ADGRL4: variants seen among roughly 807,000 people sequenced by gnomAD.
The protein encoded by ADGRL4 is adhesion G protein-coupled receptor L4, also known as EGF, latrophilin and seven transmembrane domain containing 1.
Under a neutral mutation model 74.8 loss-of-function variants are expected in ADGRL4, and 90 were observed. That is an observed-to-expected ratio of 1.20 (90% CI 1.02 to 1.43). The LOEUF is 1.43. Among genes scored for constraint, ADGRL4 ranks in the 40% most tolerant of loss-of-function variants. The probability of loss-of-function intolerance (pLI) is 0.00; values close to 1 mark genes in which losing one functional copy is unlikely to be tolerated. For synonymous variants in ADGRL4, 311 were observed against 279.2 expected (o/e 1.11, Z -1.14); for missense variants, 881 against 814.3 (o/e 1.08, Z -1.00).
intron 7 of ADGRL4, 85 bp from the exon 8 acceptor site, chr1:78,927,176 GACAA>G (rs1649135403): frequency 1.4e-5 from 12 of 877,552 alleles, no homozygotes; most frequent in Admixed American, 2.5e-5. Flanking sequence ...AAATTGAATA[GACAA>G]ACATTTTACT....
chr1:78,925,552 A>G (rs1223235323), intron 8 of ADGRL4, among the ~76,000 whole-genome samples: 10 of 151,960 alleles, frequency 6.6e-5, no homozygotes, highest in Non-Finnish European at 2.9e-5. Flanking sequence ...GATAGTTTTT[A>G]TTTTCTCAGG....
At chr1:78,956,800 G>C (rs890588006) in intron 2 of ADGRL4, among the ~76,000 whole-genome samples, 1 of 152,142 alleles carries the variant, frequency 6.6e-6, no homozygotes, top group African/African-American at 2.4e-5. Flanking sequence ...CAAAATGGAA[G>C]CATTGTGTCC....
At position 78,966,292 on chromosome 1, in the gene ADGRL4, G is replaced by A. The variant is rs140291176; in HGVS notation, c.173-19866C>T. Among the ~76,000 whole-genome samples the A allele has an allele frequency of 3.4e-4, 51 of 152,206 alleles. 1 individual carries two copies. The highest frequency in any genetic ancestry group is 5.6e-4 in the Non-Finnish European group (38 of 68,010). On this transcript the variant is annotated intron_variant, in intron 2 of 14. Transcript: ENST00000370742. ...CACACTAGCAGGACTCTGAGTTTGCGGAAAGTCCCTGTTTTCCTTTTTCCT... is the reference window on the plus strand; with the variant it reads ...CACACTAGCAGGACTCTGAGTTTGCAGAAAGTCCCTGTTTTCCTTTTTCCT...
At chr1:78,906,298 T>C (rs184672158) in intron 12 of ADGRL4, among the ~76,000 whole-genome samples, 17 of 152,176 alleles carry the variant, frequency 1.1e-4, no homozygotes, top group Admixed American at 2.0e-4. Flanking sequence ...GGCATTAAAA[T>C]AGTATTAGCA....
chr1:78,891,892 C>T (rs898810315), intron 13 of ADGRL4, among the ~76,000 whole-genome samples, 200 bp from the exon 14 acceptor site: 1 of 152,038 alleles, frequency 6.6e-6, no homozygotes, highest in African/African-American at 2.4e-5. Flanking sequence ...GCTACTGAAC[C>T]GTGGCAGGGG....
At chr1:78,920,110 G>T in intron 10 of ADGRL4, 73 bp downstream of exon 10, 2 of 1,115,646 alleles carry the variant, frequency 1.8e-6, no homozygotes, top group Non-Finnish European at 2.5e-6. Context: ...TACAAATAAT[G>T]TTTCTAGGAC....
chr1:78,956,950 C>T (rs75601905), intron 2 of ADGRL4, among the ~76,000 whole-genome samples: 1,785 of 152,198 alleles, frequency 0.012, 32 homozygotes, highest in African/African-American at 0.04. Context: ...CAAAAGCACG[C>T]GCTCACTTCA....
intron 12 of ADGRL4, among the ~76,000 whole-genome samples, chr1:78,898,907 T>C (rs1648457628): frequency 6.6e-6 from 1 of 152,134 alleles, no homozygotes; most frequent in Non-Finnish European, 1.5e-5. Context: ...TTTAAGTAGA[T>C]GAGTTGGTGA....
At chr1:78,895,833 G>A (rs749630729) in intron 12 of ADGRL4, among the ~76,000 whole-genome samples, 14 of 152,026 alleles carry the variant, frequency 9.2e-5, no homozygotes, top group Non-Finnish European at 1.6e-4. Context: ...AATTATTTAT[G>A]TACTGTAGGC....
intron 9 of ADGRL4, 112 bp from the exon 10 acceptor site, chr1:78,920,498 T>C: frequency 3.0e-6 from 2 of 677,204 alleles, no homozygotes; most frequent in Non-Finnish European, 4.7e-6. Context: ...AAAATGTTCA[T>C]AAAATGTAAA....
intron 2 of ADGRL4, among the ~76,000 whole-genome samples, chr1:79,003,628 G>A (rs985766567): frequency 6.6e-6 from 1 of 151,946 alleles, no homozygotes; most frequent in African/African-American, 2.4e-5. Context: ...TTAGAAACGT[G>A]ATTATAAGCT....
intron 12 of ADGRL4, 91 bp from the exon 13 acceptor site, chr1:78,893,280 T>C (rs1648327997): frequency 2.5e-6 from 2 of 801,956 alleles, no homozygotes; most frequent in Admixed American, 2.8e-5. Flanking sequence ...TTCAATAAGA[T>C]AGAAACTAAA....
At chr1:78,898,889 A>G (rs1648456597) in intron 12 of ADGRL4, among the ~76,000 whole-genome samples, 2 of 152,180 alleles carry the variant, frequency 1.3e-5, no homozygotes, top group Non-Finnish European at 2.9e-5. Flanking sequence ...TTTAAAAAAA[A>G]CAAGAAATTT....
chr1:78,947,262 T>C (rs1399898039), intron 2 of ADGRL4, among the ~76,000 whole-genome samples: 2 of 152,164 alleles, frequency 1.3e-5, no homozygotes, highest in East Asian at 1.9e-4. Flanking sequence ...CCTTTGGATA[T>C]GTTATTAAAG....
intron 1 of ADGRL4, among the ~76,000 whole-genome samples, chr1:79,005,913 A>G (rs1650953487): frequency 6.6e-6 from 1 of 152,070 alleles, no homozygotes. Context: ...GAAATGGAAC[A>G]GCACACAAAT....
In ADGRL4 at chr1:78,969,709, T is replaced by G. The variant is rs1357500432; in HGVS notation, c.173-23283A>C. Among the ~76,000 whole-genome samples, 174 of 41,240 alleles carry G rather than the reference T, an allele frequency of 4.2e-3. 1 individual carries two copies. Among genetic ancestry groups the G allele is most frequent in the African/African-American group, 0.017 (169 of 10,144 alleles). 27.1% of individuals were successfully genotyped at this position (41,240 alleles called of 152,430 possible). A position where few individuals can be genotyped will look rare whatever the true frequency, so the allele number is the denominator to read the frequency against. ...AGTCCTTTGATGATGATTTGTGGGT[T>G]TTTTTTTTTTTTTAACAAAAATGAG... is the stretch of plus-strand genomic sequence containing the variant. On this transcript the variant is annotated intron_variant, in intron 2 of 14. Transcript: ENST00000370742.
chr1:78,963,320 C>T (rs886828054), intron 2 of ADGRL4, among the ~76,000 whole-genome samples: 11 of 152,232 alleles, frequency 7.2e-5, no homozygotes, highest in African/African-American at 2.4e-4. Flanking sequence ...ATCCACATTC[C>T]CTTTGCCCCA....
intron 2 of ADGRL4, among the ~76,000 whole-genome samples, chr1:79,004,407 G>A (rs561140988): frequency 4.6e-5 from 7 of 152,122 alleles, no homozygotes; most frequent in African/African-American, 9.6e-5. Context: ...CTACAGACAC[G>A]AAATTACGTA....
chr1:78,984,594 T>C (rs1441869000), intron 2 of ADGRL4, among the ~76,000 whole-genome samples: 1 of 151,744 alleles, frequency 6.6e-6, no homozygotes, highest in Non-Finnish European at 1.5e-5. Flanking sequence ...AAAAATAGTG[T>C]GTCGAAACAA....
Sources: allele counts gnomAD v4.1 joint callset (sites outside exome capture counted in the v4.1 genomes callset), GRCh38; gene constraint gnomAD v4.1.1; transcripts MANE v1.5; gene names NCBI Gene and HGNC (gene_info 2026-07-23, HGNC 2026-07-21).